The following TRPM6 variants were observed in gnomAD, a reference collection of about 807,000 sequenced individuals.
The protein encoded by TRPM6 is transient receptor potential cation channel subfamily M member 6.
Under a neutral mutation model 247.6 loss-of-function variants are expected in TRPM6, and 111 were observed. The ratio of observed to expected loss-of-function variants is 0.45; its 90% confidence interval spans 0.38 to 0.52. The LOEUF is 0.52. TRPM6 is among the 20% of genes least tolerant of loss of function. The probability of loss-of-function intolerance (pLI) is 0.00; values close to 1 mark genes in which losing one functional copy is unlikely to be tolerated. For synonymous variants in TRPM6, 892 were observed against 853.8 expected, an observed-to-expected ratio of 1.04 and a Z score of -0.78; for missense variants, 2,126 against 2,421.5, an observed-to-expected ratio of 0.88 and a Z score of 2.56.
intron 1 of TRPM6, among the ~76,000 whole-genome samples, chr9:74,864,019 T>A (rs1224955684): frequency 6.6e-6 from 1 of 152,156 alleles, no homozygotes; most frequent in Non-Finnish European, 1.5e-5. Flanking sequence ...AACAACTACT[T>A]CTTCAGTGGA....
chr9:74,747,972 CA>C, intron 30 of TRPM6, 58 bp from the exon 31 acceptor site: 12 of 1,513,504 alleles, frequency 7.9e-6, no homozygotes, highest in South Asian at 2.3e-5. Context: ...TTACAGTTAT[CA>C]AAAAAAGGAA....
intron 36 of TRPM6, chr9:74,737,485 A>G (rs939472401): frequency 1.6e-6 from 2 of 1,250,650 alleles, no homozygotes; most frequent in African/African-American, 1.5e-5. Context: ...AAAAGGCCCA[A>G]GTTGTTTAAA....
intron 5 of TRPM6, 53 bp downstream of exon 5, chr9:74,839,971 G>C: frequency 1.5e-6 from 2 of 1,360,040 alleles, no homozygotes; most frequent in Non-Finnish European, 1.0e-6. Context: ...GAGAGGGAGG[G>C]AGAGAGGGAG....
chr9:74,808,038 T>C lies in TRPM6; in HGVS notation c.1634A>G (p.Tyr545Cys). The C allele has an allele frequency of 1.2e-6, 2 of 1,613,916 alleles. No homozygotes were observed. Residue 545 changes from tyrosine to cysteine, a missense_variant, in exon 14 of 39, where the codon TAC (tyrosine) becomes TGC (cysteine). Physicochemically the swap from Tyr to Cys is radical, Grantham distance 194. Around this residue, in one of 3 missense-constraint regions of TRPM6, gnomAD observed 1,082 missense variants for 1,307.9 expected, o/e 0.83. Transcript: ENST00000360774. ...GGCACTTTTCAATTACTCTACCTTG[T>C]ATTTTCTGTAGAGGTTGTTGTAGAG... ...RALYNNLYRK[Y>C]KHQRHSSGNR...
intron 5 of TRPM6, among the ~76,000 whole-genome samples, chr9:74,837,155 T>A (rs1008270175): frequency 6.6e-6 from 1 of 152,328 alleles, no homozygotes; most frequent in East Asian, 1.9e-4. Context: ...TCAATTTAAG[T>A]AAATGTCAAA....
At chr9:74,819,477 C>G (rs942294363) in intron 9 of TRPM6, among the ~76,000 whole-genome samples, 1 of 152,170 alleles carries the variant, frequency 6.6e-6, no homozygotes, top group Non-Finnish European at 1.5e-5. Context: ...CCACTGCATT[C>G]CAGCCTGGGC....
chr9:74,818,043 C>T (rs765414555), intron 9 of TRPM6, among the ~76,000 whole-genome samples: 1 of 152,126 alleles, frequency 6.6e-6, no homozygotes, highest in African/African-American at 2.4e-5. Flanking sequence ...TCTATGTGCA[C>T]GAATAAAATC....
intron 15 of TRPM6, among the ~76,000 whole-genome samples, chr9:74,802,876 G>A (rs562901213): frequency 6.6e-6 from 1 of 152,206 alleles, no homozygotes; most frequent in East Asian, 1.9e-4. Flanking sequence ...ATCACTTTGT[G>A]TGTCTTTATC....
intron 9 of TRPM6, among the ~76,000 whole-genome samples, chr9:74,818,168 C>T (rs368199238): frequency 2.0e-5 from 3 of 151,982 alleles, no homozygotes; most frequent in Admixed American, 1.3e-4. Flanking sequence ...CAAGAAGAGG[C>T]AAACATAAGG....
rs370901419 is a variant in TRPM6 at position 74,827,744 on chromosome 9, C to T, written c.841+34G>A. On this transcript the variant is annotated intron_variant, in intron 7 of 38. Coordinates refer to ENST00000360774, the MANE Select transcript of TRPM6 (RefSeq NM_017662.5). ...ATGAAAGACCTCAGCAGGCCTGCAA[C>T]CAGACTGGGTGACTGAGCCCCTGTG... 6.2e-6 allele frequency: 10 copies of T among 1,612,456 alleles called. No individual in the cohort carries two copies. In the African/African-American group the frequency reaches 1.1e-4, roughly 17 times the overall value.
At chr9:74,774,618 T>C (rs1160803236) in intron 24 of TRPM6, among the ~76,000 whole-genome samples, 1 of 152,166 alleles carries the variant, frequency 6.6e-6, no homozygotes, top group African/African-American at 2.4e-5. Flanking sequence ...AGGACCTACC[T>C]AAACACATAA....
At chr9:74,871,155 A>T (rs1564060490) in intron 1 of TRPM6, among the ~76,000 whole-genome samples, 1 of 152,136 alleles carries the variant, frequency 6.6e-6, no homozygotes, top group Non-Finnish European at 1.5e-5. Context: ...CATCCATGGG[A>T]TATGCTAAAC....
At chr9:74,849,720 G>A (rs1247898836) in intron 3 of TRPM6, among the ~76,000 whole-genome samples, 6 of 152,196 alleles carry the variant, frequency 3.9e-5, no homozygotes, top group Admixed American at 2.0e-4. Flanking sequence ...TGAAGTGCAG[G>A]CAGCCTAGGC....
intron 18 of TRPM6, among the ~76,000 whole-genome samples, chr9:74,793,440 C>G (rs550740229): frequency 6.6e-6 from 1 of 152,190 alleles, no homozygotes; most frequent in Admixed American, 6.5e-5. Flanking sequence ...CAACCTCCGC[C>G]TCCCAGGTTC....
Position 74,788,894 on chromosome 9 carries a change from T to G in TRPM6, c.2539-152A>C, listed in dbSNP as rs963947992. On this transcript the variant is annotated intron_variant, in intron 19 of 38. Coordinates refer to ENST00000360774, the MANE Select transcript of TRPM6 (RefSeq NM_017662.5). ...CACCTTCGGGTTATTGATGACCTAC[T>G]ATCAAGGAAAGCACAACAATCCATG... is the stretch of plus-strand genomic sequence containing the variant. 1.5e-4 allele frequency: 127 copies of G among 864,132 alleles called. 1 individual carries two copies. The highest frequency in any genetic ancestry group is 1.3e-3 in the Middle Eastern group (4 of 2,984). The allele number at this position is 864,132 out of a possible 1,614,324, so 53.5% of individuals were successfully genotyped here.
chr9:74,864,997 C>G (rs886658777), intron 1 of TRPM6, among the ~76,000 whole-genome samples: 5 of 151,490 alleles, frequency 3.3e-5, no homozygotes, highest in Admixed American at 3.3e-4. Flanking sequence ...CGCTTGAACC[C>G]AGGAGGTGGA....
At chr9:74,838,179 C>A (rs1021816053) in intron 5 of TRPM6, among the ~76,000 whole-genome samples, 13 of 152,144 alleles carry the variant, frequency 8.5e-5, no homozygotes, top group African/African-American at 2.9e-4. Context: ...ACTCAATGAT[C>A]TTTTTAAGGC....
chr9:74,835,883 C>A (rs1829705066), intron 5 of TRPM6, among the ~76,000 whole-genome samples: 1 of 152,152 alleles, frequency 6.6e-6, no homozygotes, highest in South Asian at 2.1e-4. Context: ...CACACAAACA[C>A]AGCCTCCCCG....
At position 74,738,568 on chromosome 9, in the gene TRPM6, C is replaced by T. The variant is rs775096237; in HGVS notation, c.5615G>A (p.Trp1872Ter). Reference protein sequence around the residue: ...FLIYCHSANQWLTIEKYMTGE... With the variant: ...FLIYCHSANQ ...TGTCATATACTTCTCAATGGTCAAC[C>T]ACTGGTTGGCTGAATGGCAGTAGAT... The change falls in exon 36 of 39, where the codon TGG (tryptophan) becomes TAG (stop). Residue 1872 changes from tryptophan (W) to a stop codon, truncating the protein, a stop_gained. Transcript: ENST00000360774. LOFTEE classifies it high-confidence loss of function. 4 of 1,613,908 alleles carry T rather than the reference C, an allele frequency of 2.5e-6. No individual in the cohort carries two copies. The highest frequency in any genetic ancestry group is 3.4e-6 in the Non-Finnish European group (4 of 1,179,990).
Sources: allele counts gnomAD v4.1 joint callset (sites outside exome capture counted in the v4.1 genomes callset), GRCh38; gene constraint gnomAD v4.1.1; regional missense constraint gnomAD v4.1.1; transcripts MANE v1.5; gene names NCBI Gene and HGNC (gene_info 2026-07-23, HGNC 2026-07-21).